Variants in CEP112 observed in about 807,000 individuals in gnomAD.
CEP112 encodes the protein centrosomal protein 112, also known as centrosomal protein of 112 kDa.
In CEP112, 127 loss-of-function variants were observed where a neutral mutation model predicts 153.0. The ratio of observed to expected loss-of-function variants is 0.83; its 90% confidence interval spans 0.72 to 0.96. The LOEUF (loss-of-function observed/expected upper bound fraction) is 0.96, where lower values mean the gene tolerates loss of function less well. Among genes scored for constraint, CEP112 ranks in the 40% least tolerant of loss-of-function variants. The pLI, the probability that CEP112 is intolerant of heterozygous loss-of-function variation, is 0.00. For missense variants in CEP112, 1,089 were observed against 1,101.2 expected, an observed-to-expected ratio of 0.99 and a Z score of 0.16; for synonymous variants, 358 against 374.4, an observed-to-expected ratio of 0.96 and a Z score of 0.51.
At chr17:65,772,613 CACACAG>C (rs2053433001) in intron 21 of CEP112, among the ~76,000 whole-genome samples, 1 of 38,394 alleles carries the variant, frequency 2.6e-5, no homozygotes, top group South Asian at 9.9e-4. Flanking sequence ...CACACACACA[CACACAG>C]ACAGCCCCTT....
chr17:66,182,721 T>G (rs1038722163), intron 2 of CEP112, among the ~76,000 whole-genome samples: 1 of 152,212 alleles, frequency 6.6e-6, no homozygotes, highest in African/African-American at 2.4e-5. Flanking sequence ...GGAGACAAGA[T>G]AGCAACAAAA....
chr17:65,742,965 A>G (rs2051217938), intron 23 of CEP112, 103 bp downstream of exon 23: 1 of 869,234 alleles, frequency 1.2e-6, no homozygotes, highest in South Asian at 2.1e-5. Context: ...CTGTGTGAAC[A>G]AGCCAGATAC....
intron 4 of CEP112, among the ~76,000 whole-genome samples, chr17:66,174,002 C>T (rs1325074255): frequency 1.3e-5 from 2 of 152,128 alleles, no homozygotes; most frequent in Non-Finnish European, 2.9e-5. Context: ...AATCTCGGCT[C>T]ACTGCAAGCT....
At chr17:65,662,226 A>G (rs2046425020) in intron 24 of CEP112, among the ~76,000 whole-genome samples, 1 of 152,218 alleles carries the variant, frequency 6.6e-6, no homozygotes, top group Admixed American at 6.5e-5. Context: ...TTAGACATAC[A>G]TGAAAGGACA....
At chr17:65,692,567 A>G (rs1472209502) in intron 23 of CEP112, among the ~76,000 whole-genome samples, 1 of 152,066 alleles carries the variant, frequency 6.6e-6, no homozygotes, top group Non-Finnish European at 1.5e-5. Flanking sequence ...TTCAAATTGA[A>G]TATGTTTGTG....
chr17:65,820,846 G>C (rs768222165), intron 21 of CEP112, among the ~76,000 whole-genome samples: 8 of 151,988 alleles, frequency 5.3e-5, no homozygotes, highest in Non-Finnish European at 1.2e-4. Context: ...AATATGAAAT[G>C]TACAATAACA....
chr17:65,927,456 T>C, intron 19 of CEP112, 126 bp downstream of exon 19: 1 of 577,154 alleles, frequency 1.7e-6, no homozygotes, highest in Non-Finnish European at 3.0e-6. Flanking sequence ...TTATTTTAAA[T>C]ATATTGGTAA....
intron 19 of CEP112, among the ~76,000 whole-genome samples, chr17:65,922,357 G>A (rs1355300272): frequency 6.6e-6 from 1 of 151,860 alleles, no homozygotes; most frequent in African/African-American, 2.4e-5. Flanking sequence ...TATAAGGAGA[G>A]TTACTCTTTG....
intron 18 of CEP112, among the ~76,000 whole-genome samples, chr17:65,932,333 G>T (rs1269049013): frequency 6.6e-6 from 1 of 151,858 alleles, no homozygotes; most frequent in African/African-American, 2.4e-5. Context: ...CAGACATGAA[G>T]GTAAGTACAC....
rs1168894947 is a variant in CEP112, at chr17:66,191,659, C to T, written c.-9+338G>A. 2 of 153,224 alleles carry T rather than the reference C, an allele frequency of 1.3e-5. No homozygotes were observed. The highest frequency in any genetic ancestry group is 2.9e-5 in the Non-Finnish European group (2 of 68,462). The allele number at this position is 153,224 out of a possible 1,614,324, so 9.5% of individuals were successfully genotyped here. A position where few individuals can be genotyped will look rare whatever the true frequency, so the allele number is the denominator to read the frequency against. On this transcript the variant is annotated intron_variant, in intron 1 of 26. Transcript: ENST00000535342. The surrounding 1 kb of genome is among the most constrained non-coding windows in gnomAD (Gnocchi z 4.2). ...GCCCAGGCCCAGGCCGCGCTCCTAC[C>T]TTGTCCAGGACACAGATTTCCTCTC...
intron 21 of CEP112, among the ~76,000 whole-genome samples, chr17:65,807,997 C>G (rs1462483556): frequency 6.6e-6 from 1 of 152,250 alleles, no homozygotes; most frequent in African/African-American, 2.4e-5. Flanking sequence ...TCTGAAAAAG[C>G]TGCAGCCACT....
intron 21 of CEP112, among the ~76,000 whole-genome samples, chr17:65,801,471 A>G (rs2055272570): frequency 6.6e-6 from 1 of 152,216 alleles, no homozygotes; most frequent in African/African-American, 2.4e-5. Context: ...TGTGATATTT[A>G]AGAAATTATT....
chr17:65,971,474 T>C (rs925765704), intron 17 of CEP112, among the ~76,000 whole-genome samples: 16 of 110,402 alleles, frequency 1.4e-4, no homozygotes, highest in Admixed American at 2.3e-4. Context: ...ACATGTATCA[T>C]GCATGTATGA....
chr17:65,648,167 A>G (rs963954373), intron 24 of CEP112, among the ~76,000 whole-genome samples: 9 of 152,124 alleles, frequency 5.9e-5, no homozygotes, highest in African/African-American at 2.2e-4. Context: ...CTCAAAAAGC[A>G]CTGTGGATAA....
At chr17:66,176,725 T>G in intron 3 of CEP112, 105 bp downstream of exon 3, 1 of 787,634 alleles carries the variant, frequency 1.3e-6, no homozygotes, top group Non-Finnish European at 1.9e-6. Flanking sequence ...TAATATATTA[T>G]CTAGCACATA....
chr17:66,038,060 C>T (rs1598191131), intron 12 of CEP112, among the ~76,000 whole-genome samples: 1 of 136,166 alleles, frequency 7.3e-6, no homozygotes, highest in East Asian at 2.0e-4. Context: ...TGAGATCGCG[C>T]CACTGTACTC....
At chr17:65,704,932 G>A (rs1216651940) in intron 23 of CEP112, among the ~76,000 whole-genome samples, 6 of 152,170 alleles carry the variant, frequency 3.9e-5, no homozygotes, top group Non-Finnish European at 8.8e-5. Flanking sequence ...CGTTTATCAT[G>A]CAACCTTTTG....
chr17:65,879,897 A>G (rs1300562906), intron 20 of CEP112, among the ~76,000 whole-genome samples: 1 of 151,692 alleles, frequency 6.6e-6, no homozygotes, highest in East Asian at 1.9e-4. Flanking sequence ...GAGGTTCAAT[A>G]TACAACTGAC....
In CEP112 at chr17:66,132,705, T is replaced by C; in HGVS notation, c.529A>G (p.Arg177Gly). Residue 177 changes from arginine to glycine, a missense_variant, in exon 5 of 27, where the codon AGA (arginine) becomes GGA (glycine). Transcript: ENST00000535342. ...GGGGTAATATTTTGTCCATCTTCTC[T>C]GTGAGTTGGACTCAAGGAGTGTGAT... ...VRSHSLSPTH[R>G]EDGQNITPKI... 6.2e-7 allele frequency: 1 copy of C among 1,613,790 alleles called. No individual in the cohort carries two copies.
Sources: allele counts gnomAD v4.1 joint callset (sites outside exome capture counted in the v4.1 genomes callset), GRCh38; gene constraint gnomAD v4.1.1; non-coding constraint Gnocchi (gnomAD v3.1); transcripts MANE v1.5; gene names NCBI Gene and HGNC (gene_info 2026-07-23, HGNC 2026-07-21).